The following TNFAIP8 variants were observed in gnomAD, a reference collection of about 807,000 sequenced individuals.
TNFAIP8 encodes the protein tumor necrosis factor alpha-induced protein 8.
In TNFAIP8, 7 loss-of-function variants were observed where a neutral mutation model predicts 13.3. The observed-to-expected ratio is 0.52, with a 90% CI of 0.30 to 0.99. The LOEUF is 0.99. Among genes scored for constraint, TNFAIP8 ranks in the 50% least tolerant of loss-of-function variants. TNFAIP8 has a pLI of 0.07. For missense variants in TNFAIP8, 258 were observed against 236.9 expected, an observed-to-expected ratio of 1.09 and a Z score of -0.58; for synonymous variants, 94 against 87.6, an observed-to-expected ratio of 1.07 and a Z score of -0.41.
intron 1 of TNFAIP8, among the ~76,000 whole-genome samples, chr5:119,297,852 A>G (rs1322155736): frequency 4.6e-5 from 7 of 152,102 alleles, no homozygotes; most frequent in Admixed American, 4.6e-4. Flanking sequence ...TCCCTTTACC[A>G]TTGTGTAATG....
intron 1 of TNFAIP8, among the ~76,000 whole-genome samples, chr5:119,362,623 C>A (rs1212063799): frequency 2.0e-5 from 3 of 151,638 alleles, no homozygotes; most frequent in African/African-American, 7.3e-5. Context: ...AAGTGAGACC[C>A]CCCATCTCTA....
At chr5:119,370,536 G>A (rs1381297668) in intron 1 of TNFAIP8, among the ~76,000 whole-genome samples, 1 of 152,102 alleles carries the variant, frequency 6.6e-6, no homozygotes, top group East Asian at 1.9e-4. Flanking sequence ...GGGTAATAAA[G>A]GCAAGCTATT....
chr5:119,323,150 C>T (rs1293294889), intron 1 of TNFAIP8, among the ~76,000 whole-genome samples: 3 of 152,172 alleles, frequency 2.0e-5, no homozygotes, highest in Non-Finnish European at 4.4e-5. Context: ...TCCTAGGTTA[C>T]TTAAAGGGCA....
At chr5:119,289,030 T>C (rs1748903340) in intron 1 of TNFAIP8, among the ~76,000 whole-genome samples, 1 of 152,240 alleles carries the variant, frequency 6.6e-6, no homozygotes, top group Admixed American at 6.5e-5. Context: ...TAGCTTTCTT[T>C]TATGGAGGTT....
At chr5:119,368,906 T>C (rs1428552462) in intron 1 of TNFAIP8, among the ~76,000 whole-genome samples, 1 of 152,122 alleles carries the variant, frequency 6.6e-6, no homozygotes, top group African/African-American at 2.4e-5. Context: ...TAGCCCCTGC[T>C]ATGCTGTACA....
chr5:119,320,968 A>T (rs920877242), intron 1 of TNFAIP8, among the ~76,000 whole-genome samples: 1 of 152,166 alleles, frequency 6.6e-6, no homozygotes, highest in Non-Finnish European at 1.5e-5. Context: ...TGTAATCCCA[A>T]CACTCCGGGA....
At chr5:119,280,077 G>C (rs1051005068) in intron 1 of TNFAIP8, among the ~76,000 whole-genome samples, 16 of 151,950 alleles carry the variant, frequency 1.1e-4, no homozygotes, top group African/African-American at 3.9e-4. Context: ...ATATCAAAAA[G>C]CCACACAAAA....
intron 1 of TNFAIP8, among the ~76,000 whole-genome samples, chr5:119,296,121 C>G (rs1475238400): frequency 6.7e-6 from 1 of 148,736 alleles, no homozygotes; most frequent in African/African-American, 2.5e-5. Flanking sequence ...CCTTTATTTC[C>G]TTCTCCTGCC....
intron 1 of TNFAIP8, among the ~76,000 whole-genome samples, chr5:119,270,492 G>C (rs1471927053): frequency 6.6e-6 from 1 of 152,160 alleles, no homozygotes; most frequent in African/African-American, 2.4e-5. Context: ...GAACTCCTGG[G>C]CTCAAGTGAT....
At chr5:119,312,915 A>T (rs1749778665) in intron 1 of TNFAIP8, among the ~76,000 whole-genome samples, 1 of 152,192 alleles carries the variant, frequency 6.6e-6, no homozygotes, top group Non-Finnish European at 1.5e-5. Flanking sequence ...GTACATTTTT[A>T]AAAGGGAAAA....
chr5:119,286,604 A>T (rs1395223653), intron 1 of TNFAIP8, among the ~76,000 whole-genome samples: 1 of 143,560 alleles, frequency 7.0e-6, no homozygotes, highest in Non-Finnish European at 1.5e-5. Flanking sequence ...CCAGGGCGAC[A>T]GAGCAAGACT....
intron 1 of TNFAIP8, among the ~76,000 whole-genome samples, chr5:119,347,326 C>T (rs1463291495): frequency 2.0e-5 from 3 of 152,160 alleles, no homozygotes; most frequent in Non-Finnish European, 2.9e-5. Context: ...TTCTTTCTAT[C>T]TGATATGGGC....
chr5:119,336,081 G>A (rs1261379859), intron 1 of TNFAIP8, among the ~76,000 whole-genome samples: 1 of 152,166 alleles, frequency 6.6e-6, no homozygotes, highest in African/African-American at 2.4e-5. Flanking sequence ...AAACAGTACA[G>A]AGGCTTAAGG....
intron 1 of TNFAIP8, among the ~76,000 whole-genome samples, chr5:119,357,136 G>C (rs1304902702): frequency 6.6e-6 from 1 of 152,186 alleles, no homozygotes; most frequent in African/African-American, 2.4e-5. Context: ...TCCCCTCCCA[G>C]AGGAAAGCTT....
Position 119,357,373 on chromosome 5 carries a change from T to C in TNFAIP8, c.31+1252T>C, listed in dbSNP as rs556549517. On this transcript the variant is annotated intron_variant, in intron 1 of 1. Coordinates refer to ENST00000504771, the MANE Select transcript of TNFAIP8 (RefSeq NM_014350.4). ...AGCTGTGTGCTGATAGATGCTTTTC[T>C]TTTCTATGTCTTTATACCAGCAGTT... is the stretch of plus-strand genomic sequence containing the variant. 2.6e-5 allele frequency among the ~76,000 whole-genome samples: 4 copies of C among 152,316 alleles called. No individual in the cohort carries two copies. The South Asian group carries it at 8.3e-4, about 32-fold the overall frequency.
intron 1 of TNFAIP8, among the ~76,000 whole-genome samples, chr5:119,373,088 C>T (rs1301743236): frequency 6.6e-6 from 1 of 152,130 alleles, no homozygotes; most frequent in Non-Finnish European, 1.5e-5. Context: ...GTATGTATTA[C>T]ACCTGAAGTC....
chr5:119,361,747 A>G (rs879139944), intron 1 of TNFAIP8, among the ~76,000 whole-genome samples: 1 of 152,244 alleles, frequency 6.6e-6, no homozygotes, highest in African/African-American at 2.4e-5. Context: ...CCTGGCTTCA[A>G]TATGTGTTTT....
intron 1 of TNFAIP8, among the ~76,000 whole-genome samples, chr5:119,389,516 C>T (rs1360469910): frequency 1.3e-5 from 2 of 152,150 alleles, no homozygotes; most frequent in Non-Finnish European, 2.9e-5. Flanking sequence ...ACAAATGAGC[C>T]TGCACAGGAA....
chr5:119,369,573 G>A (rs897180491), intron 1 of TNFAIP8, among the ~76,000 whole-genome samples: 1 of 152,186 alleles, frequency 6.6e-6, no homozygotes, highest in East Asian at 1.9e-4. Context: ...TTAAAACTTA[G>A]GCAGTTTTTC....
Sources: allele counts gnomAD v4.1 joint callset (sites outside exome capture counted in the v4.1 genomes callset), GRCh38; gene constraint gnomAD v4.1.1; transcripts MANE v1.5; gene names NCBI Gene and HGNC (gene_info 2026-07-23, HGNC 2026-07-21).